The following STK39 variants were observed in gnomAD, a reference collection of about 807,000 sequenced individuals.
STK39 encodes the protein STE20/SPS1-related proline-alanine-rich protein kinase.
A neutral mutation model predicts 77.8 loss-of-function variants in STK39; 20 were observed. That is an observed-to-expected ratio of 0.26 (90% CI 0.18 to 0.37). The LOEUF (loss-of-function observed/expected upper bound fraction) is 0.37, where lower values mean the gene tolerates loss of function less well. Ranked by LOEUF, STK39 falls within the 10% of genes least tolerant of loss-of-function variation. The pLI, the probability that STK39 is intolerant of heterozygous loss-of-function variation, is 1.00. For synonymous variants in STK39, 246 were observed against 234.1 expected, an observed-to-expected ratio of 1.05 and a Z score of -0.47; for missense variants, 479 against 656.5, an observed-to-expected ratio of 0.73 and a Z score of 2.95.
chr2:168,084,529 G>A (rs1057237285), intron 10 of STK39, among the ~76,000 whole-genome samples: 1 of 152,184 alleles, frequency 6.6e-6, no homozygotes, highest in Non-Finnish European at 1.5e-5. Context: ...AATGTTCCTG[G>A]AAGCTAGAGG....
intron 5 of STK39, among the ~76,000 whole-genome samples, chr2:168,153,634 T>TG (rs1688347487): frequency 1.0e-5 from 1 of 98,316 alleles, no homozygotes; most frequent in Non-Finnish European, 1.9e-5. Context: ...ATACAAAATA[T>TG]GGGGTGGGGG....
chr2:168,215,081 C>T (rs1414069137), intron 1 of STK39, among the ~76,000 whole-genome samples: 2 of 152,120 alleles, frequency 1.3e-5, no homozygotes, highest in African/African-American at 4.8e-5. Flanking sequence ...AATATGCCAA[C>T]GAATGAAGGT....
intron 14 of STK39, among the ~76,000 whole-genome samples, chr2:168,058,976 C>T (rs1362409168): frequency 1.3e-5 from 2 of 152,258 alleles, no homozygotes; most frequent in East Asian, 1.9e-4. Flanking sequence ...GGCTACACAG[C>T]CCTACGTGAT....
intron 14 of STK39, among the ~76,000 whole-genome samples, chr2:168,041,446 T>C (rs1255216917): frequency 2.1e-5 from 3 of 142,986 alleles, no homozygotes; most frequent in Non-Finnish European, 4.6e-5. Flanking sequence ...CACTGTATAT[T>C]TGGGGAAAGA....
intron 13 of STK39, among the ~76,000 whole-genome samples, chr2:168,065,044 A>G (rs1685758913): frequency 6.6e-6 from 1 of 152,206 alleles, no homozygotes; most frequent in South Asian, 2.1e-4. Flanking sequence ...TGGCTGGAAT[A>G]TAACAGAATG....
At chr2:168,144,813 T>C (rs1210034785) in intron 5 of STK39, among the ~76,000 whole-genome samples, 1 of 151,978 alleles carries the variant, frequency 6.6e-6, no homozygotes, top group African/African-American at 2.4e-5. Context: ...CAACAATATT[T>C]GTCGGGCATG....
intron 16 of STK39, among the ~76,000 whole-genome samples, chr2:168,006,103 C>T (rs1167268054): frequency 6.6e-6 from 1 of 152,146 alleles, no homozygotes; most frequent in East Asian, 1.9e-4. Context: ...TATGTTGCTA[C>T]AAAGCTAGGG....
intron 10 of STK39, 136 bp from the exon 11 acceptor site, chr2:168,075,367 G>A (rs944173611): frequency 6.4e-5 from 78 of 1,220,038 alleles, no homozygotes; most frequent in East Asian, 2.6e-4. Context: ...GATAGCTAGC[G>A]GTTAAGATCC....
chr2:168,152,308 T>C (rs1385874911), intron 5 of STK39, among the ~76,000 whole-genome samples: 1 of 152,204 alleles, frequency 6.6e-6, no homozygotes, highest in African/African-American at 2.4e-5. Context: ...GACAGAGGCT[T>C]GGCTTACTCT....
chr2:168,187,342 C>T (rs563308250), intron 1 of STK39, among the ~76,000 whole-genome samples: 2,287 of 103,750 alleles, frequency 0.022, 27 homozygotes, highest in Non-Finnish European at 0.032. Flanking sequence ...CAGAGTGAGA[C>T]TCCATCTCAA....
intron 1 of STK39, among the ~76,000 whole-genome samples, chr2:168,222,172 T>C (rs972625566): frequency 2.6e-5 from 4 of 152,166 alleles, no homozygotes; most frequent in Non-Finnish European, 2.9e-5. Context: ...AACCCTACAG[T>C]GTTTTCACTT....
At chr2:168,226,892 A>G (rs1690322892) in intron 1 of STK39, among the ~76,000 whole-genome samples, 1 of 152,370 alleles carries the variant, frequency 6.6e-6, no homozygotes, top group East Asian at 1.9e-4. Flanking sequence ...GAAACAATCA[A>G]TAAGTTCATC....
At chr2:168,152,776 T>G (rs955369548) in intron 5 of STK39, among the ~76,000 whole-genome samples, 4 of 152,202 alleles carry the variant, frequency 2.6e-5, no homozygotes, top group African/African-American at 9.7e-5. Flanking sequence ...GCTTCTAAAG[T>G]CAGCGAGGGC....
intron 1 of STK39, among the ~76,000 whole-genome samples, chr2:168,199,091 ACTTCAGG>A (rs1309618908): frequency 6.6e-6 from 1 of 152,182 alleles, no homozygotes; most frequent in Non-Finnish European, 1.5e-5. Flanking sequence ...AACTTCAGGG[ACTTCAGG>A]CTTCAGGCAA....
At chr2:168,144,388 C>T (rs1043923853) in intron 5 of STK39, among the ~76,000 whole-genome samples, 5 of 152,120 alleles carry the variant, frequency 3.3e-5, no homozygotes, top group Admixed American at 1.3e-4. Flanking sequence ...ACTGCAGCCT[C>T]AACCTCCCAT....
chr2:167,955,437 G>A lies in STK39; in HGVS notation c.*59C>T. 1 of 1,540,758 alleles carries A rather than the reference G, an allele frequency of 6.5e-7. No individual in the cohort carries two copies. Among genetic ancestry groups the A allele is most frequent in the East Asian group, 2.3e-5 (1 of 43,960 alleles). ...GAAATGGGCAGAAAGAGGGAGGGTT[G>A]AAGGGAGTAGGGGTGGCGGTGGGGC... On this transcript the variant is annotated 3_prime_UTR_variant, in exon 18 of 18. Coordinates refer to ENST00000355999, the MANE Select transcript of STK39 (RefSeq NM_013233.3).
intron 1 of STK39, among the ~76,000 whole-genome samples, chr2:168,226,130 A>G (rs1243013872): frequency 6.6e-6 from 1 of 152,208 alleles, no homozygotes; most frequent in Non-Finnish European, 1.5e-5. Context: ...AAAAACAGCC[A>G]GAGAAGCAGG....
At chr2:168,048,598 G>A (rs183970892) in intron 14 of STK39, among the ~76,000 whole-genome samples, 1 of 152,234 alleles carries the variant, frequency 6.6e-6, no homozygotes, top group East Asian at 1.9e-4. Context: ...CTTCTAAGAG[G>A]TCATCTGCAG....
intron 16 of STK39, among the ~76,000 whole-genome samples, chr2:167,968,369 T>G (rs1692221239): frequency 1.3e-5 from 2 of 152,256 alleles, no homozygotes; most frequent in African/African-American, 4.8e-5. Context: ...TATTCACATT[T>G]TGACAGTTAG....
Sources: allele counts gnomAD v4.1 joint callset (sites outside exome capture counted in the v4.1 genomes callset), GRCh38; gene constraint gnomAD v4.1.1; transcripts MANE v1.5; gene names NCBI Gene and HGNC (gene_info 2026-07-23, HGNC 2026-07-21).